Variants in KCNAB1 observed in about 807,000 individuals in gnomAD.
The protein encoded by KCNAB1 is voltage-gated potassium channel subunit beta-1.
A neutral mutation model predicts 64.6 loss-of-function variants in KCNAB1; 35 were observed. The observed-to-expected ratio is 0.54, with a 90% CI of 0.41 to 0.72. The LOEUF is 0.72. Among genes scored for constraint, KCNAB1 ranks in the 30% least tolerant of loss-of-function variants. KCNAB1 has a pLI of 0.00. For missense variants in KCNAB1, 401 were observed against 512.9 expected (o/e 0.78, Z 2.11); for synonymous variants, 177 against 183.8 (o/e 0.96, Z 0.30).
intron 2 of KCNAB1, among the ~76,000 whole-genome samples, chr3:156,438,522 G>A (rs903371384): frequency 1.3e-4 from 20 of 152,040 alleles, no homozygotes; most frequent in Admixed American, 2.6e-4. Flanking sequence ...TTCCAATGTC[G>A]ACTGTGGCTT....
chr3:156,400,863 C>G (rs1039078162), intron 1 of KCNAB1, among the ~76,000 whole-genome samples: 24 of 152,198 alleles, frequency 1.6e-4, no homozygotes, highest in African/African-American at 5.1e-4. Flanking sequence ...TTCTCTGCTC[C>G]CATCCTACCC....
intron 8 of KCNAB1, among the ~76,000 whole-genome samples, chr3:156,511,678 G>C (rs1230818007): frequency 8.0e-6 from 1 of 125,016 alleles, no homozygotes; most frequent in South Asian, 2.6e-4. Flanking sequence ...CTCATCTCCT[G>C]CCTAGAATAC....
At chr3:156,129,629 T>C (rs1278056238) in intron 1 of KCNAB1, among the ~76,000 whole-genome samples, 1 of 152,192 alleles carries the variant, frequency 6.6e-6, no homozygotes, top group African/African-American at 2.4e-5. Flanking sequence ...TTCATAGAGT[T>C]GAGAAAATTA....
At chr3:156,287,609 A>C (rs111380136) in intron 1 of KCNAB1, among the ~76,000 whole-genome samples, 2,815 of 152,192 alleles carry the variant, frequency 0.018, 88 homozygotes, top group South Asian at 0.13. Flanking sequence ...AGGTGGGCAG[A>C]TCAGGTCAGG....
intron 7 of KCNAB1, among the ~76,000 whole-genome samples, chr3:156,472,402 C>T (rs1713984117): frequency 6.6e-6 from 1 of 152,144 alleles, no homozygotes; most frequent in South Asian, 2.1e-4. Context: ...ATATTATTTC[C>T]TCTGCTTAAT....
At chr3:156,119,600 T>G (rs1204558645), upstream of KCNAB1, among the ~76,000 whole-genome samples, 1 of 152,134 alleles carries the variant, frequency 6.6e-6, no homozygotes, top group African/African-American at 2.4e-5. Flanking sequence ...GGCACTGAGA[T>G]AGTTGATCCA....
chr3:156,506,884 A>G (rs1375421636), intron 8 of KCNAB1, among the ~76,000 whole-genome samples: 2 of 151,648 alleles, frequency 1.3e-5, no homozygotes, highest in Admixed American at 1.3e-4. Flanking sequence ...TTTTTCTTCG[A>G]AAAAAAACAA....
chr3:156,506,291 C>T (rs932010499), intron 8 of KCNAB1, among the ~76,000 whole-genome samples: 13 of 152,286 alleles, frequency 8.5e-5, no homozygotes, highest in South Asian at 4.1e-4. Context: ...TCACCATGGT[C>T]TCCTGCATAG....
chr3:156,436,503 C>T (rs2108252470), intron 2 of KCNAB1, among the ~76,000 whole-genome samples: 1 of 152,282 alleles, frequency 6.6e-6, no homozygotes, highest in East Asian at 1.9e-4. Flanking sequence ...CTGTCTTCCT[C>T]AATGGTTGAA....
chr3:156,398,262 C>T (rs1713614924), intron 1 of KCNAB1, among the ~76,000 whole-genome samples: 1 of 152,090 alleles, frequency 6.6e-6, no homozygotes, highest in Admixed American at 6.5e-5. Flanking sequence ...AGGGAAAGCA[C>T]TAGGACAAAT....
intron 1 of KCNAB1, among the ~76,000 whole-genome samples, chr3:156,122,105 TG>T (rs1713379339): frequency 1.3e-5 from 2 of 152,216 alleles, no homozygotes; most frequent in African/African-American, 4.8e-5. Context: ...TTGGTATTCA[TG>T]GCCAGAGTGG....
intron 1 of KCNAB1, chr3:156,292,209 G>C (rs1018597574): frequency 1.4e-5 from 21 of 1,480,566 alleles, no homozygotes; most frequent in Admixed American, 1.1e-4. Flanking sequence ...GTTTTGAAAA[G>C]TGATTTACTC....
intron 1 of KCNAB1, among the ~76,000 whole-genome samples, chr3:156,276,545 A>T (rs759858249): frequency 5.3e-5 from 8 of 152,156 alleles, no homozygotes; most frequent in Non-Finnish European, 7.4e-5. Context: ...TACATTGAAA[A>T]CATGTTGTTT....
At chr3:156,506,705 G>T (rs1041619963) in intron 8 of KCNAB1, among the ~76,000 whole-genome samples, 1 of 152,154 alleles carries the variant, frequency 6.6e-6, no homozygotes, top group African/African-American at 2.4e-5. Context: ...CTAGTCTCTT[G>T]AATCTGTTCT....
intron 1 of KCNAB1, among the ~76,000 whole-genome samples, chr3:156,250,558 G>T (rs536806768): frequency 6.6e-6 from 1 of 152,210 alleles, no homozygotes; most frequent in South Asian, 2.1e-4. Flanking sequence ...GTAGCATCTG[G>T]GTTACGGCTT....
At chr3:156,525,837 T>G (rs548585422) in intron 12 of KCNAB1, among the ~76,000 whole-genome samples, 180 of 152,306 alleles carry the variant, frequency 1.2e-3, no homozygotes, top group African/African-American at 4.1e-3. Context: ...AATTAAAAGT[T>G]TATAAAGTAA....
chr3:156,468,619 A>G (rs1224954903), intron 7 of KCNAB1, among the ~76,000 whole-genome samples: 1 of 152,218 alleles, frequency 6.6e-6, no homozygotes, highest in Non-Finnish European at 1.5e-5. Context: ...TAAAAATTAT[A>G]TAATTCACAT....
chr3:156,256,781 G>A (rs1255828001), intron 1 of KCNAB1, among the ~76,000 whole-genome samples: 2 of 152,230 alleles, frequency 1.3e-5, no homozygotes, highest in Non-Finnish European at 2.9e-5. Context: ...CCAGGAGGCT[G>A]TCCTGTGCTT....
At chr3:156,287,678 G>A (rs1006596128) in intron 1 of KCNAB1, among the ~76,000 whole-genome samples, 15 of 151,780 alleles carry the variant, frequency 9.9e-5, no homozygotes, top group African/African-American at 2.4e-4. Flanking sequence ...AATACAAGGC[G>A]TGATGGTATA....
Sources: gnomAD v4.1 joint callset for allele counts (sites outside exome capture counted in the v4.1 genomes callset) on GRCh38, gnomAD v4.1.1 for gene constraint, MANE v1.5 for transcripts, NCBI Gene and HGNC (gene_info 2026-07-23, HGNC 2026-07-21) for gene names.